DNAH2: variants seen among roughly 807,000 people sequenced by gnomAD.
DNAH2 encodes the protein axonemal beta dynein heavy chain 2.
In DNAH2, 323 loss-of-function variants were observed where a neutral mutation model predicts 523.5. That is an observed-to-expected ratio of 0.62 (90% CI 0.56 to 0.68). DNAH2 has a LOEUF of 0.68. DNAH2 is among the 30% of genes least tolerant of loss of function. DNAH2 has a pLI of 0.00. For synonymous variants in DNAH2, 2,093 were observed against 2,177.4 expected (o/e 0.96, Z 1.08); for missense variants, 4,907 against 5,701.5 (o/e 0.86, Z 4.49).
At chr17:7,803,670 A>C (rs2077284479) in intron 58 of DNAH2, among the ~76,000 whole-genome samples, 1 of 147,518 alleles carries the variant, frequency 6.8e-6, no homozygotes, top group African/African-American at 2.5e-5. Flanking sequence ...ACTCCGTCTC[A>C]AAAAAAAAAA....
intron 7 of DNAH2, among the ~76,000 whole-genome samples, chr17:7,734,992 A>G (rs370738394): frequency 1.1e-4 from 16 of 152,264 alleles, no homozygotes; most frequent in African/African-American, 2.9e-4. Flanking sequence ...CAGGATTACT[A>G]GACAGCGTGG....
At chr17:7,772,636 G>A in intron 28 of DNAH2, among the ~76,000 whole-genome samples, 1 of 151,882 alleles carries the variant, frequency 6.6e-6, no homozygotes, top group East Asian at 1.9e-4. Context: ...TAGGAACTGG[G>A]AAGACAAGGG....
rs373655144 is a variant in DNAH2, at chr17:7,817,403, C to T, written c.10008C>T (p.Ile3336=). 12 of 1,614,012 alleles carry T rather than the reference C, an allele frequency of 7.4e-6. No homozygotes were observed. Among genetic ancestry groups the T allele is most frequent in the Non-Finnish European group, 1.0e-5 (12 of 1,180,012 alleles). ...ACCGGGATGAGATTGTCAACCAAAT[C>T]TGGATCGGGAAGGTGAGATGGGACT... is the stretch of plus-strand genomic sequence containing the variant. ...TNYRDEIVNQ[I]WIGKIWELQV... is the part of the protein sequence containing the mutation. The change falls in exon 65 of 86, where the codon ATC becomes ATT. Residue 3336 remains isoleucine, a synonymous_variant. Transcript: ENST00000572933.
At position 7,828,387 on chromosome 17, in the gene DNAH2, G is replaced by C. The variant is rs1427533348; in HGVS notation, c.11854-1913G>C. ...AAAAAATTCTATTCATCAGTTTGGG[G>C]AAAATTCACATCCTTAGAACAATGA... On this transcript the variant is annotated intron_variant, in intron 77 of 85. Transcript: ENST00000572933. The surrounding 1 kb of genome is among the most constrained non-coding windows in gnomAD (Gnocchi z 4.1). 6.6e-6 allele frequency among the ~76,000 whole-genome samples: 1 copy of C among 152,024 alleles called. No individual in the cohort carries two copies. The highest frequency in any genetic ancestry group is 1.5e-5 in the Non-Finnish European group (1 of 68,020).
chr17:7,801,646 A>G lies in DNAH2; in HGVS notation c.8768A>G (p.Gln2923Arg), dbSNP rs1310982709. The change falls in exon 57 of 86, where the codon CAA becomes CGA. Residue 2923 changes from glutamine to arginine, a missense_variant. Physicochemically the swap from Gln to Arg is conservative, Grantham distance 43. Transcript: ENST00000572933. Reference protein sequence around the residue: ...TTINWFSEWPQEALLEVAEKC... With the variant: ...TTINWFSEWPREALLEVAEKC... Reference sequence around the variant, plus strand: ...ATCAACTGGTTCTCAGAGTGGCCCCAAGAGGCCCTGCTCGAGGTGGCTGAG... The same window carrying G: ...ATCAACTGGTTCTCAGAGTGGCCCCGAGAGGCCCTGCTCGAGGTGGCTGAG... 6.2e-7 allele frequency: 1 copy of G among 1,614,160 alleles called. No individual in the cohort carries two copies. Among genetic ancestry groups the G allele is most frequent in the South Asian group, 1.1e-5 (1 of 91,086 alleles).
chr17:7,791,414 T>C (rs2076893445), intron 44 of DNAH2, among the ~76,000 whole-genome samples: 1 of 152,212 alleles, frequency 6.6e-6, no homozygotes. Flanking sequence ...TGCTATATAC[T>C]GCAACATGTC....
At chr17:7,763,734 T>G in intron 18 of DNAH2, 97 bp from the exon 19 acceptor site, 1 of 1,446,972 alleles carries the variant, frequency 6.9e-7, no homozygotes, top group Non-Finnish European at 9.6e-7. Context: ...GCTGCCCAGG[T>G]TTGGGTGGAA....
chr17:7,779,454 G>C (rs1178320587), intron 36 of DNAH2, 31 bp downstream of exon 36: 1 of 1,604,812 alleles, frequency 6.2e-7, no homozygotes, highest in Non-Finnish European at 8.5e-7. Flanking sequence ...GGGACTCCTG[G>C]GGTGGGAAGA....
rs2078174464 is a variant in DNAH2 at position 7,831,529 on chromosome 17, T to C, written c.12599T>C (p.Met4200Thr). The part of the protein sequence containing the change: ...LQEIQRYNTL[M>T]QTILFSLTDL... ...GAGATCCAGAGATACAACACACTGA[T>C]GCAGACCATCCTGTAAGACAGAGGG... Residue 4200 changes from methionine to threonine, a missense_variant, in exon 81 of 86, where the codon ATG becomes ACG. By Grantham distance (81) the Met-to-Thr change is moderately conservative. Transcript: ENST00000572933. This position sits in a 1 kb window ranked among gnomAD's most constrained non-coding sequence, Gnocchi z 4.2. 1.9e-6 allele frequency: 3 copies of C among 1,614,138 alleles called. No individual in the cohort carries two copies. The highest frequency in any genetic ancestry group is 1.1e-5 in the South Asian group (1 of 91,074).
Position 7,830,757 on chromosome 17 carries a change from G to A in DNAH2, c.12145G>A (p.Val4049Ile). The change falls in exon 79 of 86, where the codon GTC (valine) becomes ATC (isoleucine). Residue 4049 changes from valine (V) to isoleucine (I), a missense_variant. Physicochemically the swap from Val to Ile is conservative, Grantham distance 29. Transcript: ENST00000572933. ...TGCCGGCATCAACTATGGTGGACAT[G>A]TCACAGATGACTGGGACCGGCGCCT... Reference protein sequence around the residue: ...LIAGINYGGHVTDDWDRRLLT... With the variant: ...LIAGINYGGHITDDWDRRLLT... 1.2e-6 allele frequency: 2 copies of A among 1,614,170 alleles called. No individual in the cohort carries two copies. Among genetic ancestry groups the A allele is most frequent in the Non-Finnish European group, 8.5e-7 (1 of 1,180,034 alleles).
rs1394485477 is a variant in DNAH2 at position 7,805,436 on chromosome 17, T to C, written c.9442+43T>C. ...AAATCAATGACTTCCACTCACCCAG[T>C]GTTTATTGATCGTCGGCTGTGCAGC... On this transcript the variant is annotated intron_variant, in intron 61 of 85. Transcript: ENST00000572933. The C allele has an allele frequency of 2.5e-6, 4 of 1,612,170 alleles. No individual in the cohort carries two copies. The South Asian group carries it at 4.4e-5, about 18-fold the overall frequency.
At chr17:7,802,181 C>T (rs895012791) in intron 58 of DNAH2, among the ~76,000 whole-genome samples, 164 bp downstream of exon 58, 7 of 152,212 alleles carry the variant, frequency 4.6e-5, no homozygotes, top group Non-Finnish European at 1.0e-4. Flanking sequence ...GGGCTGTCTC[C>T]AGAGCCTTCT....
chr17:7,739,372 C>T (rs1459900137), intron 8 of DNAH2, among the ~76,000 whole-genome samples: 1 of 152,200 alleles, frequency 6.6e-6, no homozygotes, highest in Non-Finnish European at 1.5e-5. Context: ...TGCCACTGCA[C>T]TCCAGCCTGG....
intron 4 of DNAH2, among the ~76,000 whole-genome samples, chr17:7,731,388 C>T (rs1322070598): frequency 1.3e-5 from 2 of 151,986 alleles, no homozygotes; most frequent in Admixed American, 6.6e-5. Flanking sequence ...GGGAAGAAAC[C>T]TCTCTTCTGG....
At chr17:7,814,068 G>A (rs977116573) in intron 63 of DNAH2, among the ~76,000 whole-genome samples, 1 of 151,630 alleles carries the variant, frequency 6.6e-6, no homozygotes, top group Non-Finnish European at 1.5e-5. Flanking sequence ...AAAGCTACAC[G>A]GGAAACTAGG....
At chr17:7,820,863 A>G (rs541469336) in intron 72 of DNAH2, among the ~76,000 whole-genome samples, 1 of 152,122 alleles carries the variant, frequency 6.6e-6, no homozygotes, top group South Asian at 2.1e-4. Flanking sequence ...ACATGGTGAA[A>G]CCCCATCTCT....
chr17:7,741,273 T>C lies in DNAH2; in HGVS notation c.1689+281T>C, dbSNP rs1393870549. On this transcript the variant is annotated intron_variant, in intron 11 of 85. Coordinates refer to ENST00000572933, the MANE Select transcript of DNAH2 (RefSeq NM_020877.5). ...TTCTTTCTTTCTTTCTTTCTTTCTT[T>C]CTTTCTTTCTTTCTTTCTTTCTTCC... Among the ~76,000 whole-genome samples the C allele has an allele frequency of 1.5e-4, 8 of 52,462 alleles. No individual in the cohort carries two copies. The South Asian group carries it at 3.3e-3, about 21-fold the overall frequency. The allele number at this position is 52,462 out of a possible 152,430, so 34.4% of individuals were successfully genotyped here. A position where few individuals can be genotyped will look rare whatever the true frequency, so the allele number is the denominator to read the frequency against.
intron 5 of DNAH2, among the ~76,000 whole-genome samples, chr17:7,733,802 A>G (rs140512369): frequency 3.3e-5 from 5 of 152,050 alleles, no homozygotes; most frequent in African/African-American, 1.2e-4. Flanking sequence ...ATCCAGACAC[A>G]CTTTTCTGTT....
chr17:7,768,380 TC>T, intron 24 of DNAH2, 113 bp downstream of exon 24: 1 of 988,728 alleles, frequency 1.0e-6, no homozygotes, highest in Non-Finnish European at 1.5e-6. Context: ...TTCCCCTCTG[TC>T]CACAAATGTA....
Sources: allele counts gnomAD v4.1 joint callset (sites outside exome capture counted in the v4.1 genomes callset), GRCh38; gene constraint gnomAD v4.1.1; non-coding constraint Gnocchi (gnomAD v3.1); transcripts MANE v1.5; gene names NCBI Gene and HGNC (gene_info 2026-07-23, HGNC 2026-07-21).